The following EXD2 variants were observed in gnomAD, a reference collection of about 807,000 sequenced individuals.
EXD2 encodes exonuclease 3'-5' domain containing 2.
In EXD2, 40 loss-of-function variants were observed where a neutral mutation model predicts 62.5. That is an observed-to-expected ratio of 0.64 (90% CI 0.50 to 0.83). EXD2 has a LOEUF of 0.83. Among genes scored for constraint, EXD2 ranks in the 40% least tolerant of loss-of-function variants. The pLI, the probability that EXD2 is intolerant of heterozygous loss-of-function variation, is 0.00. For missense variants in EXD2, 671 were observed against 761.8 expected (o/e 0.88, Z 1.40); for synonymous variants, 239 against 291.9 (o/e 0.82, Z 1.85).
At chr14:69,220,251 CTGT>C (rs2043123936) in intron 3 of EXD2, among the ~76,000 whole-genome samples, 14 of 60,644 alleles carry the variant, frequency 2.3e-4, no homozygotes, top group African/African-American at 9.0e-4. Flanking sequence ...TTTTGTCTCT[CTGT>C]TTTTTTTTTT....
At chr14:69,208,795 AC>A (rs1274839723) in intron 2 of EXD2, 1 of 151,876 alleles carries the variant, frequency 6.6e-6, no homozygotes, top group Non-Finnish European at 1.5e-5. Context: ...TCTCTTTTGT[AC>A]CCCCGCTGGC....
chr14:69,217,064 T>C (rs2043009988), intron 3 of EXD2, among the ~76,000 whole-genome samples: 1 of 152,080 alleles, frequency 6.6e-6, no homozygotes, highest in Non-Finnish European at 1.5e-5. Context: ...AACTCTTTTA[T>C]TTTTTAGAGA....
chr14:69,217,837 A>G (rs1306620250), intron 3 of EXD2, among the ~76,000 whole-genome samples: 2 of 152,082 alleles, frequency 1.3e-5, no homozygotes, highest in Admixed American at 6.6e-5. Context: ...ATGGTTTCCA[A>G]CTTCATCTAT....
intron 3 of EXD2, 32 bp downstream of exon 3, chr14:69,209,835 A>AC: frequency 1.4e-6 from 2 of 1,422,710 alleles, no homozygotes; most frequent in South Asian, 3.1e-5. Context: ...AAAAAAAAAA[A>AC]AAAAAAACAA....
At position 69,209,533 on chromosome 14, in the gene EXD2, G is replaced by T. The variant is rs1385505210; in HGVS notation, c.63G>T (p.Gly21=). The T allele has an allele frequency of 1.9e-6, 3 of 1,550,602 alleles. No homozygotes were observed. The highest frequency in any genetic ancestry group is 2.6e-6 in the Non-Finnish European group (3 of 1,146,980). Residue 21 remains glycine, a synonymous_variant, in exon 3 of 10, where the codon GGG becomes GGT. Transcript: ENST00000685843. ...CCCTTCTGGGTGTGGCTGTAGGGGGGTTTGTCCTCTGGAAAGGCATCCAGC... is the reference window on the plus strand; with the variant it reads ...CCCTTCTGGGTGTGGCTGTAGGGGGTTTTGTCCTCTGGAAAGGCATCCAGC... The part of the protein sequence containing the change: ...VTTLLGVAVG[G]FVLWKGIQRR...
intron 1 of EXD2, among the ~76,000 whole-genome samples, chr14:69,196,754 G>GCTAA (rs1447935144): frequency 6.6e-6 from 1 of 151,122 alleles, no homozygotes; most frequent in Non-Finnish European, 1.5e-5. Context: ...CTCCCAAGTA[G>GCTAA]CTAAGTCTAT....
chr14:69,208,323 G>C (rs1226438345), intron 2 of EXD2, among the ~76,000 whole-genome samples: 1 of 145,796 alleles, frequency 6.9e-6, no homozygotes, highest in African/African-American at 2.6e-5. Flanking sequence ...CCATTCTCCT[G>C]CCTCAGCCTC....
rs2043793448 is a variant in EXD2, at chr14:69,236,520, G to T, written c.1270G>T (p.Gly424Cys). The T allele has an allele frequency of 6.2e-7, 1 of 1,614,044 alleles. No homozygotes were observed. The highest frequency in any genetic ancestry group is 8.5e-7 in the Non-Finnish European group (1 of 1,180,042). The change falls in exon 8 of 10, where the codon GGC becomes TGC. Residue 424 changes from glycine (G) to cysteine (C), a missense_variant. Coordinates refer to ENST00000685843, the MANE Select transcript of EXD2 (RefSeq NM_001193360.2). ...TAAAGAGAACCTGTGTGTAGTGTGT[G>T]GCAAGAGAGACTCCTACATTCGGTG... Reference protein sequence around the residue: ...MVKENLCVVCGKRDSYIRKNV... With the variant: ...MVKENLCVVCCKRDSYIRKNV...
At chr14:69,218,666 A>G (rs562199105) in intron 3 of EXD2, among the ~76,000 whole-genome samples, 80 of 152,276 alleles carry the variant, frequency 5.3e-4, no homozygotes, top group Non-Finnish European at 1.0e-3. Context: ...TCTTTAATCC[A>G]TCTTGAATTA....
intron 3 of EXD2, among the ~76,000 whole-genome samples, chr14:69,225,101 G>T (rs1408499700): frequency 6.6e-6 from 1 of 152,054 alleles, no homozygotes; most frequent in Non-Finnish European, 1.5e-5. Context: ...TCTTATCGGC[G>T]TCTAGCCACA....
rs1035462736 is a variant in EXD2 at position 69,240,896 on chromosome 14, A to G, written c.1662A>G (p.Glu554=). 1 of 1,612,338 alleles carries G rather than the reference A, an allele frequency of 6.2e-7. No homozygotes were observed. Among genetic ancestry groups the G allele is most frequent in the Non-Finnish European group, 8.5e-7 (1 of 1,178,894 alleles). The part of the protein sequence containing the change: ...AASLETRISN[E]NYVPHGLKVV... ...CATGTTTTGGCAGAATCTCCAATGA[A>G]AACTATGTTCCTCACGGGCTGAAGG... is the stretch of plus-strand genomic sequence containing the variant. The change falls in exon 10 of 10, where the codon GAA becomes GAG. Residue 554 remains glutamate (E), a synonymous_variant. Transcript: ENST00000685843.
At chr14:69,198,898 T>G (rs1205153091) in intron 1 of EXD2, among the ~76,000 whole-genome samples, 2 of 152,238 alleles carry the variant, frequency 1.3e-5, no homozygotes, top group Non-Finnish European at 2.9e-5. Flanking sequence ...GGTAAGTATT[T>G]GTGTATCTAA....
At chr14:69,220,893 GA>G (rs1464404082) in intron 3 of EXD2, among the ~76,000 whole-genome samples, 1 of 152,094 alleles carries the variant, frequency 6.6e-6, no homozygotes, top group Non-Finnish European at 1.5e-5. Context: ...ATAAGAGATA[GA>G]GTTGTCCTTT....
At chr14:69,231,161 AT>A (rs2043563855) in intron 5 of EXD2, among the ~76,000 whole-genome samples, 1 of 152,190 alleles carries the variant, frequency 6.6e-6, no homozygotes, top group African/African-American at 2.4e-5. Flanking sequence ...TTTAAAAAAA[AT>A]ATAGTGTTAT....
At chr14:69,226,621 G>T (rs997989861) in intron 3 of EXD2, among the ~76,000 whole-genome samples, 7 of 152,058 alleles carry the variant, frequency 4.6e-5, no homozygotes, top group African/African-American at 1.7e-4. Flanking sequence ...GGTGGCAGGC[G>T]CCTATAATCC....
chr14:69,217,226 T>G (rs2043014437), intron 3 of EXD2, among the ~76,000 whole-genome samples: 1 of 152,142 alleles, frequency 6.6e-6, no homozygotes, highest in East Asian at 1.9e-4. Context: ...CTAATTTTTA[T>G]TTTTATTTTT....
intron 3 of EXD2, among the ~76,000 whole-genome samples, chr14:69,210,825 TTG>T (rs1385941039): frequency 6.6e-6 from 1 of 152,086 alleles, no homozygotes; most frequent in Non-Finnish European, 1.5e-5. Context: ...AAAAAAAATG[TTG>T]TGTTTATACT....
intron 3 of EXD2, among the ~76,000 whole-genome samples, chr14:69,215,992 T>C (rs183363790): frequency 6.6e-6 from 1 of 152,290 alleles, no homozygotes; most frequent in Admixed American, 6.5e-5. Context: ...ATCTGTGTAG[T>C]ACAGTTGATC....
intron 1 of EXD2, among the ~76,000 whole-genome samples, chr14:69,196,913 C>T (rs2042225569): frequency 6.6e-6 from 1 of 152,074 alleles, no homozygotes; most frequent in Admixed American, 6.6e-5. Flanking sequence ...CACCACCATA[C>T]TTGGCCTTAT....
Sources: gnomAD v4.1 joint callset for allele counts (sites outside exome capture counted in the v4.1 genomes callset) on GRCh38, gnomAD v4.1.1 for gene constraint, MANE v1.5 for transcripts, NCBI Gene and HGNC (gene_info 2026-07-23, HGNC 2026-07-21) for gene names.